Variants in SPAG9 observed in about 807,000 individuals in gnomAD.
The protein encoded by SPAG9 is C-Jun-amino-terminal kinase-interacting protein 4.
Under a neutral mutation model 166.5 loss-of-function variants are expected in SPAG9, and 35 were observed. The observed-to-expected ratio is 0.21, with a 90% CI of 0.16 to 0.28. SPAG9 has a LOEUF of 0.28. Among genes scored for constraint, SPAG9 ranks in the 10% least tolerant of loss-of-function variants. The probability of loss-of-function intolerance (pLI) is 1.00; values close to 1 mark genes in which losing one functional copy is unlikely to be tolerated. For synonymous variants in SPAG9, 534 were observed against 565.5 expected, an observed-to-expected ratio of 0.94 and a Z score of 0.79; for missense variants, 1,235 against 1,603.3, an observed-to-expected ratio of 0.77 and a Z score of 3.92.
chr17:50,966,666 G>C (rs1402557681), intron 29 of SPAG9, among the ~76,000 whole-genome samples: 2 of 152,190 alleles, frequency 1.3e-5, no homozygotes, highest in African/African-American at 4.8e-5. Context: ...CAACATGTCT[G>C]CATACCGATG....
At chr17:50,981,390 G>GTGGATGGT (rs1555630964) in intron 25 of SPAG9, among the ~76,000 whole-genome samples, 1 of 150,034 alleles carries the variant, frequency 6.7e-6, no homozygotes, top group African/African-American at 2.5e-5. Flanking sequence ...CAACCTGTGT[G>GTGGATGGT]TGGATGGATG....
At chr17:51,064,868 T>TC (rs1481877933) in intron 2 of SPAG9, among the ~76,000 whole-genome samples, 6 of 152,142 alleles carry the variant, frequency 3.9e-5, no homozygotes, top group African/African-American at 1.4e-4. Flanking sequence ...AGGCCTGTAA[T>TC]CCCAGCACTT....
chr17:51,067,559 C>A (rs2047708068), intron 2 of SPAG9, among the ~76,000 whole-genome samples: 1 of 152,102 alleles, frequency 6.6e-6, no homozygotes, highest in South Asian at 2.1e-4. Flanking sequence ...TCAAAACGAT[C>A]TCAGGGAAAA....
At chr17:51,045,441 G>A (rs1213881160) in intron 4 of SPAG9, among the ~76,000 whole-genome samples, 2 of 152,058 alleles carry the variant, frequency 1.3e-5, no homozygotes, top group African/African-American at 4.8e-5. Context: ...AAAAGACCAA[G>A]TATCTAGTTT....
intron 2 of SPAG9, among the ~76,000 whole-genome samples, chr17:51,059,529 G>A (rs956744076): frequency 7.2e-5 from 11 of 151,876 alleles, no homozygotes; most frequent in Admixed American, 5.3e-4. Flanking sequence ...CGAGGTGGGC[G>A]GATCACAAGG....
chr17:50,994,160 A>T (rs1189447925), intron 18 of SPAG9, among the ~76,000 whole-genome samples: 1 of 151,894 alleles, frequency 6.6e-6, no homozygotes, highest in Non-Finnish European at 1.5e-5. Context: ...ACCCAGGGGG[A>T]GGTAATTTAA....
At position 50,995,557 on chromosome 17, in the gene SPAG9, G is replaced by A. The variant is rs576941055; in HGVS notation, c.1969-24C>T. 3.4e-5 allele frequency: 48 copies of A among 1,420,662 alleles called. No homozygotes were observed. In the South Asian group the frequency reaches 5.4e-4, roughly 16 times the overall value. The allele number at this position is 1,420,662 out of a possible 1,614,324, so 88.0% of individuals were successfully genotyped here. On this transcript the variant is annotated intron_variant, in intron 16 of 29. Transcript: ENST00000262013. ...ACCTAATAATGGTGGAAGGAGGAGT[G>A]AAAAAGGCACATTAGTAAGCCTCAT...
rs1423617188 is a variant in SPAG9, at chr17:50,965,472, T to C, written c.*800A>G. On this transcript the variant is annotated 3_prime_UTR_variant, in exon 30 of 30. Transcript: ENST00000262013. ...CATTTCCTTTAAAAAATCCTCCCAG[T>C]GCTGAAGTATCTTCTAAGCTTCCCA... 2 of 152,194 alleles carry C rather than the reference T, an allele frequency of 1.3e-5. No homozygotes were observed. Among genetic ancestry groups the C allele is most frequent in the East Asian group, 3.9e-4 (2 of 5,194 alleles). 9.4% of individuals were successfully genotyped at this position (152,194 alleles called of 1,614,324 possible). A position where few individuals can be genotyped will look rare whatever the true frequency, so the allele number is the denominator to read the frequency against.
chr17:51,067,214 C>G (rs1049537059), intron 2 of SPAG9, among the ~76,000 whole-genome samples: 2 of 152,106 alleles, frequency 1.3e-5, no homozygotes, highest in African/African-American at 4.8e-5. Flanking sequence ...AAAATACTTA[C>G]AATAACTCAG....
intron 2 of SPAG9, among the ~76,000 whole-genome samples, chr17:51,076,286 G>C (rs191778729): frequency 6.6e-6 from 1 of 151,946 alleles, no homozygotes; most frequent in East Asian, 1.9e-4. Flanking sequence ...AGCCAGGCAT[G>C]GTGGCTTGTG....
At chr17:51,014,563 T>C (rs2045621682) in intron 8 of SPAG9, 1 of 454,870 alleles carries the variant, frequency 2.2e-6, no homozygotes, top group Admixed American at 3.9e-5. Flanking sequence ...TTATAGAATG[T>C]TTTTGTTGTG....
At chr17:51,058,190 G>C (rs1225327228) in intron 2 of SPAG9, among the ~76,000 whole-genome samples, 2 of 152,158 alleles carry the variant, frequency 1.3e-5, no homozygotes, top group African/African-American at 4.8e-5. Flanking sequence ...GTGCTCAATA[G>C]TAGAGCCTTA....
chr17:50,968,045 A>G (rs1290491920), intron 29 of SPAG9, among the ~76,000 whole-genome samples: 1 of 152,200 alleles, frequency 6.6e-6, no homozygotes, highest in African/African-American at 2.4e-5. Context: ...GCACTCCAAC[A>G]CAAAGTTACA....
intron 1 of SPAG9, among the ~76,000 whole-genome samples, chr17:51,084,860 A>T (rs372381468): frequency 1.4e-5 from 2 of 140,588 alleles, no homozygotes; most frequent in East Asian, 2.0e-4. Context: ...TTATTTATTT[A>T]TTTTTTTTGA....
chr17:51,076,631 G>C (rs149504427), intron 2 of SPAG9, among the ~76,000 whole-genome samples: 44 of 151,960 alleles, frequency 2.9e-4, no homozygotes, highest in African/African-American at 1.0e-3. Flanking sequence ...AGCTACTTGG[G>C]AGGCTGAGGC....
chr17:51,030,956 C>T, intron 6 of SPAG9: 1 of 150,630 alleles, frequency 6.6e-6, no homozygotes, highest in East Asian at 1.9e-4. Context: ...GCTGTGTTGC[C>T]CAGGCTGGAA....
At chr17:51,062,528 T>TA (rs1218073044) in intron 2 of SPAG9, among the ~76,000 whole-genome samples, 2 of 152,204 alleles carry the variant, frequency 1.3e-5, no homozygotes, top group African/African-American at 4.8e-5. Flanking sequence ...AATCATATAG[T>TA]ACCTAGCCTT....
chr17:50,990,792 G>C (rs562020358), intron 19 of SPAG9, 124 bp from the exon 20 acceptor site: 5 of 676,368 alleles, frequency 7.4e-6, no homozygotes, highest in African/African-American at 3.6e-5. Context: ...TTGAATACAG[G>C]TAGCATTAAA....
At chr17:51,001,608 G>A (rs1217088185) in intron 13 of SPAG9, 107 bp downstream of exon 13, 30 of 1,102,930 alleles carry the variant, frequency 2.7e-5, no homozygotes, top group Middle Eastern at 4.3e-4. Flanking sequence ...CTAGTAAACA[G>A]AGAAAGGGGC....
Sources: allele counts gnomAD v4.1 joint callset (sites outside exome capture counted in the v4.1 genomes callset), GRCh38; gene constraint gnomAD v4.1.1; transcripts MANE v1.5; gene names NCBI Gene and HGNC (gene_info 2026-07-23, HGNC 2026-07-21).